Variants in RNF130 observed in about 807,000 individuals in gnomAD.
RNF130 encodes ring finger protein 130, also known as E3 ubiquitin-protein ligase RNF130.
Under a neutral mutation model 44.6 loss-of-function variants are expected in RNF130, and 21 were observed. The ratio of observed to expected loss-of-function variants is 0.47; its 90% CI spans 0.33 to 0.68. The LOEUF (loss-of-function observed/expected upper bound fraction) is 0.68. Ranked by LOEUF, RNF130 falls within the 30% of genes least tolerant of loss-of-function variation. The pLI is 0.02. For missense variants in RNF130, 479 were observed against 560.6 expected (o/e 0.85, Z 1.47); for synonymous variants, 214 against 210.4 (o/e 1.02, Z -0.15).
At chr5:179,930,526 C>A (rs2113675642) in intron 7 of RNF130, among the ~76,000 whole-genome samples, 1 of 152,196 alleles carries the variant, frequency 6.6e-6, no homozygotes, top group African/African-American at 2.4e-5. Context: ...ATCCTTACAC[C>A]TTTTATTTCT....
intron 7 of RNF130, among the ~76,000 whole-genome samples, chr5:179,926,937 G>A (rs1423122089): frequency 6.6e-5 from 10 of 152,318 alleles, no homozygotes; most frequent in Admixed American, 5.2e-4. Context: ...TGCTTACTTC[G>A]TGTGTGGGGG....
chr5:180,071,525 G>A lies in RNF130; in HGVS notation c.178C>T (p.Arg60Cys). 7.3e-7 allele frequency: 1 copy of A among 1,367,542 alleles called. No individual in the cohort carries two copies. Among genetic ancestry groups the A allele is most frequent in the Admixed American group, 2.7e-5 (1 of 37,522 alleles). The allele number at this position is 1,367,542 out of a possible 1,614,324, so 84.7% of individuals were successfully genotyped here. A position where few individuals can be genotyped will look rare whatever the true frequency, so the allele number is the denominator to read the frequency against. ...APLTFRIDRG[R>C]YGLDSPKAEV... ...GCCTTGGGGGAGTCAAGCCCGTAGC[G>A]CCCGCGGTCGATGCGAAACGTGAGC... The change falls in exon 1 of 9, where the codon CGC (arginine) becomes TGC (cysteine). Residue 60 changes from arginine to cysteine, a missense_variant. Around this residue, in one of 3 missense-constraint regions of RNF130, gnomAD observed 138 missense variants for 126.9 expected, o/e 1.09. Transcript: ENST00000521389.
Position 180,048,584 on chromosome 5 carries a change from AC to A in RNF130, c.248-7938del, listed in dbSNP as rs1242098868. Reference sequence around the variant, plus strand: ...GCCCAGGAGTTGAAAGCTACAGTGAACTGGGATGGCGCCACTGCACTCCACC... The same window carrying A: ...GCCCAGGAGTTGAAAGCTACAGTGAATGGGATGGCGCCACTGCACTCCACC... On this transcript the variant is annotated intron_variant, in intron 1 of 8. Coordinates refer to ENST00000521389, the MANE Select transcript of RNF130 (RefSeq NM_018434.6). Among the ~76,000 whole-genome samples the A allele has an allele frequency of 6.6e-5, 10 of 152,252 alleles. No individual in the cohort carries two copies. The South Asian group carries it at 2.1e-3, about 32-fold the overall frequency.
chr5:180,065,585 C>A (rs1200810034), intron 1 of RNF130, among the ~76,000 whole-genome samples: 1 of 151,934 alleles, frequency 6.6e-6, no homozygotes, highest in African/African-American at 2.4e-5. Flanking sequence ...ATGGTGAAAC[C>A]CCGTCTCTAC....
intron 2 of RNF130, among the ~76,000 whole-genome samples, chr5:180,036,628 T>C (rs1216584161): frequency 6.6e-6 from 1 of 152,250 alleles, no homozygotes; most frequent in African/African-American, 2.4e-5. Context: ...AATGGCTGTT[T>C]CGTCAATTTT....
Position 180,071,735 on chromosome 5 carries a change from C to T in RNF130, c.-33G>A. ...CCGGCAGCCGCCGCTGCTCGCGGAC[C>T]GGGCTCCGGGGCCGGCGCCTAGAGG... On this transcript the variant is annotated 5_prime_UTR_variant, in exon 1 of 9. Coordinates refer to ENST00000521389, the MANE Select transcript of RNF130 (RefSeq NM_018434.6). The T allele has an allele frequency of 5.0e-6, 6 of 1,190,550 alleles. 1 individual carries two copies. The South Asian group carries it at 2.4e-4, about 47-fold the overall frequency. The allele number at this position is 1,190,550 out of a possible 1,614,324, so 73.7% of individuals were successfully genotyped here.
chr5:179,974,542 G>A (rs17079875), intron 5 of RNF130, among the ~76,000 whole-genome samples: 9,865 of 152,268 alleles, frequency 0.065, 837 homozygotes, highest in African/African-American at 0.2. Flanking sequence ...CAATCCATGA[G>A]CGGCTTGACA....
intron 3 of RNF130, among the ~76,000 whole-genome samples, chr5:179,989,481 T>C (rs960458405): frequency 6.6e-5 from 10 of 152,226 alleles, no homozygotes; most frequent in Non-Finnish European, 1.0e-4. Flanking sequence ...TCCTGCAGAA[T>C]TGATCCCTTC....
chr5:180,017,104 G>A (rs1763757615), intron 2 of RNF130, among the ~76,000 whole-genome samples: 1 of 152,164 alleles, frequency 6.6e-6, no homozygotes, highest in Admixed American at 6.5e-5. Flanking sequence ...CTTTGATCTA[G>A]AATAGTTCCT....
chr5:180,001,589 A>G (rs1763345534), intron 3 of RNF130, among the ~76,000 whole-genome samples: 2 of 152,168 alleles, frequency 1.3e-5, no homozygotes, highest in Non-Finnish European at 2.9e-5. Flanking sequence ...TCTGGCTGCA[A>G]TTCAGGAACA....
chr5:180,042,443 C>T (rs1764441755), intron 1 of RNF130, among the ~76,000 whole-genome samples: 2 of 152,114 alleles, frequency 1.3e-5, no homozygotes, highest in Non-Finnish European at 2.9e-5. Flanking sequence ...TCAAATTAAA[C>T]GGGGATAGAA....
chr5:180,060,649 C>T (rs1764956038), intron 1 of RNF130, among the ~76,000 whole-genome samples: 1 of 152,200 alleles, frequency 6.6e-6, no homozygotes, highest in African/African-American at 2.4e-5. Context: ...GGCAACTGGC[C>T]TCCTAACCTT....
In RNF130 at chr5:180,010,730, TA is replaced by T. The variant is rs140630839; in HGVS notation, c.693+2330del. 7.9e-3 allele frequency among the ~76,000 whole-genome samples: 1,204 copies of T among 152,078 alleles called. 21 individuals are homozygous for T. The highest frequency in any genetic ancestry group is 0.027 in the African/African-American group (1,126 of 41,464). On this transcript the variant is annotated intron_variant, in intron 3 of 8. Transcript: ENST00000521389. The stretch of plus-strand genomic sequence containing the variant: ...GATGAGAAACAGATTCCTGGTAGAT[TA>T]GGGAAGGGGGAAGGAGGGAGGTGGC...
intron 3 of RNF130, among the ~76,000 whole-genome samples, chr5:180,000,735 TCTTA>T (rs1409285288): frequency 1.6e-4 from 24 of 152,222 alleles, no homozygotes; most frequent in African/African-American, 4.1e-4. Flanking sequence ...AGGATTTGAT[TCTTA>T]CTTCTCTTTT....
At chr5:180,060,152 G>A (rs931094293) in intron 1 of RNF130, among the ~76,000 whole-genome samples, 3 of 152,176 alleles carry the variant, frequency 2.0e-5, no homozygotes, top group Non-Finnish European at 4.4e-5. Context: ...CCAAAGCCAC[G>A]CAGTCTTGCC....
intron 1 of RNF130, among the ~76,000 whole-genome samples, chr5:180,050,983 C>A (rs889593271): frequency 1.3e-5 from 2 of 151,726 alleles, no homozygotes; most frequent in Non-Finnish European, 2.9e-5. Flanking sequence ...TTTGTATTTA[C>A]CCCAACATGA....
downstream of RNF130, among the ~76,000 whole-genome samples, chr5:179,952,660 G>A (rs1762144392): frequency 6.6e-6 from 1 of 152,102 alleles, no homozygotes; most frequent in African/African-American, 2.4e-5. Flanking sequence ...GACCAAGTGG[G>A]ATTTGTCCCA....
rs576388197 is a variant in RNF130 at position 180,032,735 on chromosome 5, G to A, written c.442+7718C>T. On this transcript the variant is annotated intron_variant, in intron 2 of 8. Transcript: ENST00000521389. ...ATACCACAATGCCTTGATTACTAAA[G>A]TTGTGAAACGGAGTGTGTAAGTCCT... 2.6e-5 allele frequency among the ~76,000 whole-genome samples: 4 copies of A among 152,246 alleles called. No individual in the cohort carries two copies. The South Asian group carries it at 8.3e-4, about 32-fold the overall frequency.
Position 179,968,039 on chromosome 5 carries a change from T to C in RNF130, c.946-1029A>G, listed in dbSNP as rs550882140. Among the ~76,000 whole-genome samples the C allele has an allele frequency of 2.6e-5, 4 of 152,322 alleles. No homozygotes were observed. The East Asian group carries it at 7.7e-4, about 29-fold the overall frequency. On this transcript the variant is annotated intron_variant, in intron 6 of 8. Transcript: ENST00000521389. ...GGCTGGGCGCGGTGGCTCACGCCTG[T>C]AATCCCAGCACTTTGGGAGGCCGAG...
Sources: allele counts gnomAD v4.1 joint callset (sites outside exome capture counted in the v4.1 genomes callset), GRCh38; gene constraint gnomAD v4.1.1; regional missense constraint gnomAD v4.1.1; transcripts MANE v1.5; gene names NCBI Gene and HGNC (gene_info 2026-07-23, HGNC 2026-07-21).